The following MAGI3 variants were observed in gnomAD, a reference collection of about 807,000 sequenced individuals.
MAGI3 encodes the protein membrane associated guanylate kinase, WW and PDZ domain containing 3, also known as membrane-associated guanylate kinase, WW and PDZ domain-containing protein 3.
In MAGI3, 43 loss-of-function variants were observed where a neutral mutation model predicts 121.8. The observed-to-expected ratio is 0.35, with a 90% CI of 0.28 to 0.46. The LOEUF (loss-of-function observed/expected upper bound fraction) is 0.46, where lower values mean the gene tolerates loss of function less well. MAGI3 is among the 20% of genes least tolerant of loss of function. The pLI, the probability that MAGI3 is intolerant of heterozygous loss-of-function variation, is 1.00. For synonymous variants in MAGI3, 553 were observed against 639.3 expected, an observed-to-expected ratio of 0.86 and a Z score of 2.04; for missense variants, 1,547 against 1,797.3, an observed-to-expected ratio of 0.86 and a Z score of 2.52.
chr1:113,451,158 G>A (rs1654464450), intron 1 of MAGI3, among the ~76,000 whole-genome samples: 1 of 152,040 alleles, frequency 6.6e-6, no homozygotes, highest in Non-Finnish European at 1.5e-5. Flanking sequence ...AATGAAATTG[G>A]TCCATCATGT....
intron 1 of MAGI3, among the ~76,000 whole-genome samples, chr1:113,396,283 A>AG (rs1651112531): frequency 3.7e-5 from 3 of 81,928 alleles, no homozygotes; most frequent in East Asian, 8.5e-4. Context: ...TGTGAATGTC[A>AG]GGGTTGTGTG....
chr1:113,526,511 G>T (rs1041151784), intron 1 of MAGI3, among the ~76,000 whole-genome samples: 1 of 152,208 alleles, frequency 6.6e-6, no homozygotes, highest in Non-Finnish European at 1.5e-5. Context: ...GAATGACGGT[G>T]GGTATGCAGT....
intron 11 of MAGI3, 24 bp from the exon 12 acceptor site, chr1:113,646,462 A>G (rs1281050677): frequency 1.3e-6 from 2 of 1,567,846 alleles, no homozygotes; most frequent in East Asian, 2.2e-5. Flanking sequence ...AAAAAATACT[A>G]AGTAAGGCTC....
At chr1:113,428,581 A>G (rs1035481078) in intron 1 of MAGI3, among the ~76,000 whole-genome samples, 4 of 152,218 alleles carry the variant, frequency 2.6e-5, no homozygotes, top group African/African-American at 9.6e-5. Context: ...TCTAATGACC[A>G]TATCTTAAAA....
rs1171479446 is a variant in MAGI3, at chr1:113,684,023, A to G, written c.*9A>G. ...CTGAGAAACGGCAGTAACCTTTAGT[A>G]TAAAACAAAGAAAAACAAGTTGTAA... is the stretch of plus-strand genomic sequence containing the variant. On this transcript the variant is annotated 3_prime_UTR_variant, in exon 21 of 21. Transcript: ENST00000307546. The G allele has an allele frequency of 6.6e-7, 1 of 1,524,020 alleles. No individual in the cohort carries two copies. Among genetic ancestry groups the G allele is most frequent in the East Asian group, 2.3e-5 (1 of 43,132 alleles). The allele number at this position is 1,524,020 out of a possible 1,614,324, so 94.4% of individuals were successfully genotyped here.
intron 2 of MAGI3, 146 bp downstream of exon 2, chr1:113,549,777 G>A: frequency 2.0e-6 from 1 of 498,994 alleles, no homozygotes; most frequent in Non-Finnish European, 3.5e-6. Context: ...TGGATAAGAA[G>A]AAAAATTTTC....
chr1:113,396,318 T>TGTGA (rs1242804649), intron 1 of MAGI3, among the ~76,000 whole-genome samples: 3 of 151,684 alleles, frequency 2.0e-5, no homozygotes, highest in African/African-American at 4.8e-5. Context: ...TGTGTGTGTG[T>TGTGA]GATTTGACAA....
chr1:113,650,885 TA>T, intron 13 of MAGI3, 128 bp from the exon 14 acceptor site: 4 of 784,008 alleles, frequency 5.1e-6, no homozygotes, highest in Non-Finnish European at 8.2e-6. Flanking sequence ...AATACCTTTC[TA>T]AAATATAACT....
chr1:113,590,491 A>G lies in MAGI3; in HGVS notation c.771A>G (p.Arg257=). Residue 257 remains arginine, a synonymous_variant, in exon 5 of 21, where the codon AGA becomes AGG. Transcript: ENST00000307546. ...TGTTTTGAACAATGGCAGAAAACAG[A>G]GAGAGGCATTCTGAGTCATCTGACT... ...AINGSGNAEN[R]ERHSESSDWM... 1 of 1,613,642 alleles carries G rather than the reference A, an allele frequency of 6.2e-7. No individual in the cohort carries two copies. The highest frequency in any genetic ancestry group is 8.5e-7 in the Non-Finnish European group (1 of 1,179,652).
chr1:113,588,340 T>C (rs1648504025), intron 4 of MAGI3, among the ~76,000 whole-genome samples: 1 of 152,138 alleles, frequency 6.6e-6, no homozygotes, highest in Non-Finnish European at 1.5e-5. Context: ...GGATACAATG[T>C]GGACAATGCA....
intron 1 of MAGI3, among the ~76,000 whole-genome samples, chr1:113,421,592 A>C (rs1652736059): frequency 6.6e-6 from 1 of 152,194 alleles, no homozygotes; most frequent in South Asian, 2.1e-4. Context: ...TTATGTATTC[A>C]TTCATGAATT....
chr1:113,540,720 A>G (rs1659254075), intron 1 of MAGI3, among the ~76,000 whole-genome samples: 1 of 152,206 alleles, frequency 6.6e-6, no homozygotes, highest in African/African-American at 2.4e-5. Context: ...TTTTCTTTAC[A>G]TCTCAGATCC....
chr1:113,423,269 GTTGTTT>G (rs1652827671), intron 1 of MAGI3, among the ~76,000 whole-genome samples: 2 of 135,248 alleles, frequency 1.5e-5, no homozygotes, highest in Non-Finnish European at 3.2e-5. Flanking sequence ...TGGGGGGGGG[GTTGTTT>G]TTGTTTTTGT....
At chr1:113,591,627 G>A (rs1648696334) in intron 5 of MAGI3, among the ~76,000 whole-genome samples, 1 of 152,044 alleles carries the variant, frequency 6.6e-6, no homozygotes, top group African/African-American at 2.4e-5. Context: ...TTATTGATGA[G>A]GTTATACATT....
intron 3 of MAGI3, among the ~76,000 whole-genome samples, chr1:113,582,133 A>G (rs767287606): frequency 6.6e-6 from 1 of 152,120 alleles, no homozygotes; most frequent in Non-Finnish European, 1.5e-5. Flanking sequence ...ATTGGCAACA[A>G]TTTTACAGTC....
At chr1:113,573,718 C>G (rs568804710) in intron 2 of MAGI3, among the ~76,000 whole-genome samples, 3 of 152,108 alleles carry the variant, frequency 2.0e-5, no homozygotes, top group Non-Finnish European at 4.4e-5. Flanking sequence ...CTGCTTGGTC[C>G]AGAGCTGAGT....
At chr1:113,661,536 A>G (rs1421247366) in intron 16 of MAGI3, among the ~76,000 whole-genome samples, 1 of 152,036 alleles carries the variant, frequency 6.6e-6, no homozygotes, top group African/African-American at 2.4e-5. Flanking sequence ...GATTGTTAGG[A>G]AAAAAAACTA....
rs369637776 is a variant in MAGI3 at position 113,450,180 on chromosome 1, T to G, written c.316+58831T>G. 5 of 1,537,806 alleles carry G rather than the reference T, an allele frequency of 3.3e-6. No individual in the cohort carries two copies. The Admixed American group carries it at 5.0e-5, about 15-fold the overall frequency. ...ATGAGCATGATACAGTTGATAAAAT[T>G]GTTGTTCAGAAATACCACACTATTA... On this transcript the variant is annotated intron_variant, in intron 1 of 20. Coordinates refer to ENST00000307546, the MANE Select transcript of MAGI3 (RefSeq NM_001142782.2).
chr1:113,665,207 G>A (rs938434013), intron 16 of MAGI3, among the ~76,000 whole-genome samples: 5 of 152,024 alleles, frequency 3.3e-5, no homozygotes, highest in African/African-American at 1.2e-4. Flanking sequence ...TTATTCTTAA[G>A]ATGAGCCAGA....
Sources: allele counts gnomAD v4.1 joint callset (sites outside exome capture counted in the v4.1 genomes callset), GRCh38; gene constraint gnomAD v4.1.1; transcripts MANE v1.5; gene names NCBI Gene and HGNC (gene_info 2026-07-23, HGNC 2026-07-21).